BIRC2: variants seen among roughly 807,000 people sequenced by gnomAD.
BIRC2 encodes the protein baculoviral IAP repeat-containing protein 2.
BIRC2 carries 18 observed loss-of-function variants against 60.9 expected under a neutral mutation model. The ratio of observed to expected loss-of-function variants is 0.30; its 90% CI spans 0.20 to 0.44. The LOEUF (loss-of-function observed/expected upper bound fraction) is 0.44, where lower values mean the gene tolerates loss of function less well. Ranked by LOEUF, BIRC2 falls within the 20% of genes least tolerant of loss-of-function variation. The pLI is 1.00. For missense variants in BIRC2, 701 were observed against 728.5 expected (o/e 0.96, Z 0.43); for synonymous variants, 282 against 247.7 (o/e 1.14, Z -1.30).
At chr11:102,351,390 G>A (rs1333429001) in intron 3 of BIRC2, among the ~76,000 whole-genome samples, 1 of 152,036 alleles carries the variant, frequency 6.6e-6, no homozygotes, top group African/African-American at 2.4e-5. Flanking sequence ...CGAGATAGGT[G>A]GATCACCTGA....
intron 3 of BIRC2, among the ~76,000 whole-genome samples, chr11:102,355,974 T>C (rs1050941777): frequency 2.0e-5 from 3 of 152,162 alleles, no homozygotes; most frequent in Non-Finnish European, 4.4e-5. Context: ...CTGGATGGTT[T>C]ATTAGTTTTA....
intron 3 of BIRC2, among the ~76,000 whole-genome samples, chr11:102,352,324 C>G (rs1186573199): frequency 6.6e-6 from 1 of 151,996 alleles, no homozygotes; most frequent in Non-Finnish European, 1.5e-5. Flanking sequence ...CCATGTTAGA[C>G]AGGATGGTCT....
At chr11:102,348,166 G>C (rs1276458595) in intron 1 of BIRC2, 4 of 152,252 alleles carry the variant, frequency 2.6e-5, no homozygotes, top group Non-Finnish European at 4.4e-5. Context: ...TAGTCGTGGA[G>C]AGACTTGATA....
rs1462214321 is a variant in BIRC2 at position 102,377,749 on chromosome 11, T to G, written c.1620T>G (p.Phe540Leu). ...ACTCTACATTGTATAAGAACTTATT[T>G]GGTGAGTTTGTTGGGAAAATTATTT... Reference protein sequence around the residue: ...EIDSTLYKNLFVDKNMKYIPT... With the variant: ...EIDSTLYKNLLVDKNMKYIPT... Residue 540 changes from phenylalanine to leucine, a missense_variant and splice_region_variant, in exon 7 of 9, where the codon TTT (phenylalanine) becomes TTG (leucine). Phe to Leu is a conservative substitution (Grantham distance 22). This residue lies in a region of BIRC2 where 235 missense variants were observed against 208.9 expected (regional missense o/e 1.12). Coordinates refer to ENST00000227758, the MANE Select transcript of BIRC2 (RefSeq NM_001166.5). 6.3e-7 allele frequency: 1 copy of G among 1,595,188 alleles called. No homozygotes were observed. The highest frequency in any genetic ancestry group is 1.2e-5 in the South Asian group (1 of 86,498).
chr11:102,357,460 C>A (rs1191134838), intron 3 of BIRC2, among the ~76,000 whole-genome samples: 1 of 152,074 alleles, frequency 6.6e-6, no homozygotes, highest in Admixed American at 6.5e-5. Context: ...ACTACTGATT[C>A]AATCTCCTTA....
intron 6 of BIRC2, 103 bp downstream of exon 6, chr11:102,368,651 G>C: frequency 6.9e-7 from 1 of 1,445,386 alleles, no homozygotes; most frequent in Non-Finnish European, 9.4e-7. Flanking sequence ...ACTAACTGCT[G>C]GTAGCAGTCC....
At chr11:102,356,303 C>T (rs1206718207) in intron 3 of BIRC2, among the ~76,000 whole-genome samples, 1 of 149,344 alleles carries the variant, frequency 6.7e-6, no homozygotes, top group Non-Finnish European at 1.5e-5. Flanking sequence ...TCAAGTGATT[C>T]TCCTGCCCCA....
Position 102,349,784 on chromosome 11 carries a change from T to C in BIRC2, c.-71T>C. 2 of 1,443,372 alleles carry C rather than the reference T, an allele frequency of 1.4e-6. No individual in the cohort carries two copies. Among genetic ancestry groups the C allele is most frequent in the Non-Finnish European group, 1.9e-6 (2 of 1,068,594 alleles). The allele number at this position is 1,443,372 out of a possible 1,614,324, so 89.4% of individuals were successfully genotyped here. Reference sequence around the variant, plus strand: ...GTCTATCATTGATTTCTTTTTGTGGTAAAAATCTTAGTTCATGTGAAGAAA... The same window carrying C: ...GTCTATCATTGATTTCTTTTTGTGGCAAAAATCTTAGTTCATGTGAAGAAA... On this transcript the variant is annotated 5_prime_UTR_variant, in exon 2 of 9. Transcript: ENST00000227758.
intron 6 of BIRC2, among the ~76,000 whole-genome samples, chr11:102,374,496 G>A (rs1210325439): frequency 1.3e-5 from 2 of 150,360 alleles, no homozygotes. Context: ...CAGGGGTCAG[G>A]GACCCACTTG....
chr11:102,376,542 T>C (rs929595463), intron 6 of BIRC2, among the ~76,000 whole-genome samples: 2 of 152,166 alleles, frequency 1.3e-5, no homozygotes, highest in African/African-American at 4.8e-5. Flanking sequence ...CTTTTTAAAT[T>C]TTTTTGAAAG....
At chr11:102,374,479 C>T (rs1356890577) in intron 6 of BIRC2, among the ~76,000 whole-genome samples, 44 of 149,900 alleles carry the variant, frequency 2.9e-4, no homozygotes, top group Admixed American at 5.3e-4. Flanking sequence ...TTAGGCTGCT[C>T]GGGGGTCAGG....
chr11:102,352,091 A>G (rs1049476635), intron 3 of BIRC2, among the ~76,000 whole-genome samples: 19 of 148,474 alleles, frequency 1.3e-4, no homozygotes, highest in African/African-American at 4.7e-4. Flanking sequence ...GGCAACCACC[A>G]TTGTCTTTCT....
intron 1 of BIRC2, chr11:102,347,902 A>G (rs1002613325): frequency 2.0e-5 from 3 of 152,282 alleles, no homozygotes; most frequent in Admixed American, 2.0e-4. Flanking sequence ...CCCAGCTGCA[A>G]TTTGCGTAAA....
rs763487054 is a variant in BIRC2 at position 102,350,512 on chromosome 11, T to A, written c.658T>A (p.Cys220Ser). The change falls in exon 2 of 9, where the codon TGC (cysteine) becomes AGC (serine). Residue 220 changes from cysteine to serine, a missense_variant. By Grantham distance (112) the Cys-to-Ser change is moderately radical. Coordinates refer to ENST00000227758, the MANE Select transcript of BIRC2 (RefSeq NM_001166.5). The stretch of plus-strand genomic sequence containing the variant: ...TATAGGACCTGGAGATAGGGTAGCC[T>A]GCTTTGCCTGTGGTGGGAAGCTCAG... ...YYIGPGDRVA[C>S]FACGGKLSNW... is the part of the protein sequence containing the mutation. The A allele has an allele frequency of 1.2e-6, 2 of 1,614,234 alleles. No homozygotes were observed. The highest frequency in any genetic ancestry group is 1.7e-6 in the Non-Finnish European group (2 of 1,180,042).
chr11:102,367,262 G>T (rs1453409253), intron 5 of BIRC2, among the ~76,000 whole-genome samples: 1 of 150,964 alleles, frequency 6.6e-6, no homozygotes, highest in Non-Finnish European at 1.5e-5. Flanking sequence ...AGCATATATT[G>T]CATTTTATTT....
At chr11:102,364,170 T>C (rs1160288891) in intron 5 of BIRC2, among the ~76,000 whole-genome samples, 7 of 88,686 alleles carry the variant, frequency 7.9e-5, no homozygotes, top group African/African-American at 3.6e-4. Context: ...TATATATATA[T>C]ATATACACAC....
At chr11:102,371,496 C>T (rs1240976382) in intron 6 of BIRC2, among the ~76,000 whole-genome samples, 2 of 133,074 alleles carry the variant, frequency 1.5e-5, no homozygotes, top group Non-Finnish European at 3.3e-5. Context: ...TTGAACCAGC[C>T]TTGCATCCCA....
rs2135814131 is a variant in BIRC2, at chr11:102,363,710, C to G, written c.1117C>G (p.Pro373Ala). ...TACCACTGGAGAAGAAAATGCTGAC[C>G]CACCAAGTATGTATGAGATAATTTT... ...SDTTGEENAD[P>A]PIIHFGPGES... The change falls in exon 5 of 9, where the codon CCA becomes GCA. Residue 373 changes from proline to alanine, a missense_variant. By Grantham distance (27) the Pro-to-Ala change is conservative. Around this residue, in one of 4 missense-constraint regions of BIRC2, gnomAD observed 235 missense variants for 208.9 expected, o/e 1.12. Coordinates refer to ENST00000227758, the MANE Select transcript of BIRC2 (RefSeq NM_001166.5). 1 of 1,609,584 alleles carries G rather than the reference C, an allele frequency of 6.2e-7. No homozygotes were observed.
chr11:102,372,728 CTT>C (rs1405856479), intron 6 of BIRC2, among the ~76,000 whole-genome samples: 7 of 131,908 alleles, frequency 5.3e-5, no homozygotes, highest in Non-Finnish European at 1.6e-5. Context: ...TCCTTGTTGA[CTT>C]TCTGTCTCGT....
Sources: gnomAD v4.1 joint callset for allele counts (sites outside exome capture counted in the v4.1 genomes callset) on GRCh38, gnomAD v4.1.1 for gene constraint, gnomAD v4.1.1 regional missense constraint, MANE v1.5 for transcripts, NCBI Gene and HGNC (gene_info 2026-07-23, HGNC 2026-07-21) for gene names.